NOS1AP: variants seen among roughly 807,000 people sequenced by gnomAD.
NOS1AP encodes carboxyl-terminal PDZ ligand of neuronal nitric oxide synthase protein.
A neutral mutation model predicts 56.2 loss-of-function variants in NOS1AP; 21 were observed. The ratio of observed to expected loss-of-function variants is 0.37; its 90% CI spans 0.26 to 0.54. The LOEUF (loss-of-function observed/expected upper bound fraction) is 0.54. Among genes scored for constraint, NOS1AP ranks in the 20% least tolerant of loss-of-function variants. The probability of loss-of-function intolerance (pLI) is 0.84; values close to 1 mark genes in which losing one functional copy is unlikely to be tolerated. For missense variants in NOS1AP, 522 were observed against 657.8 expected, an observed-to-expected ratio of 0.79 and a Z score of 2.26; for synonymous variants, 270 against 274.6, an observed-to-expected ratio of 0.98 and a Z score of 0.17.
intron 2 of NOS1AP, among the ~76,000 whole-genome samples, chr1:162,218,912 C>G (rs1238585009): frequency 6.6e-6 from 1 of 152,070 alleles, no homozygotes; most frequent in Non-Finnish European, 1.5e-5. Flanking sequence ...TTGATATCAC[C>G]AGAAGATTTG....
At chr1:162,234,889 A>T (rs374374653) in intron 2 of NOS1AP, among the ~76,000 whole-genome samples, 2 of 152,154 alleles carry the variant, frequency 1.3e-5, no homozygotes, top group African/African-American at 4.8e-5. Context: ...GGAGTTCTGC[A>T]AACTATACCC....
At chr1:162,072,023 G>T (rs1032782497) in intron 1 of NOS1AP, among the ~76,000 whole-genome samples, 2 of 151,958 alleles carry the variant, frequency 1.3e-5, no homozygotes, top group Admixed American at 1.3e-4. Context: ...TTGCACCACT[G>T]CACTCCACCC....
At chr1:162,081,165 C>T (rs1691877837) in intron 1 of NOS1AP, among the ~76,000 whole-genome samples, 1 of 152,206 alleles carries the variant, frequency 6.6e-6, no homozygotes, top group Non-Finnish European at 1.5e-5. Flanking sequence ...ACAGTGGCCC[C>T]TATCCCATGG....
chr1:162,201,343 G>A (rs1022223683), intron 2 of NOS1AP, among the ~76,000 whole-genome samples: 5 of 152,088 alleles, frequency 3.3e-5, no homozygotes, highest in African/African-American at 1.2e-4. Flanking sequence ...ATATCCTTTA[G>A]TCTATCACTG....
At chr1:162,349,193 A>G (rs1657406004) in intron 6 of NOS1AP, among the ~76,000 whole-genome samples, 1 of 151,834 alleles carries the variant, frequency 6.6e-6, no homozygotes, top group African/African-American at 2.4e-5. Context: ...AACTCCAAAA[A>G]AGGGGAAAAA....
rs79917337 is a variant in NOS1AP at position 162,190,564 on chromosome 1, T to C, written c.177+36088T>C. Among the ~76,000 whole-genome samples, 45 of 152,232 alleles carry C rather than the reference T, an allele frequency of 3.0e-4. No individual in the cohort carries two copies. The East Asian group carries it at 7.1e-3, about 24-fold the overall frequency. On this transcript the variant is annotated intron_variant, in intron 2 of 9. Transcript: ENST00000361897. ...AGAATATATAATGATCAGATCAGGA[T>C]AATTAGCATATTCATAATCTCAAAC...
At chr1:162,293,195 A>G (rs566616343) in intron 3 of NOS1AP, among the ~76,000 whole-genome samples, 1 of 152,226 alleles carries the variant, frequency 6.6e-6, no homozygotes, top group East Asian at 1.9e-4. Flanking sequence ...AAGCATGGAG[A>G]ACTTGTCAAA....
At chr1:162,089,419 A>T (rs1173971024) in intron 1 of NOS1AP, among the ~76,000 whole-genome samples, 1 of 152,226 alleles carries the variant, frequency 6.6e-6, no homozygotes, top group East Asian at 1.9e-4. Context: ...TACTGAAAAC[A>T]GTCCAAAACC....
intron 2 of NOS1AP, among the ~76,000 whole-genome samples, chr1:162,216,601 T>C (rs1334985317): frequency 6.6e-6 from 1 of 152,266 alleles, no homozygotes; most frequent in Admixed American, 6.5e-5. Flanking sequence ...CAAATGGGAA[T>C]ATTACAATTT....
At chr1:162,141,237 G>C (rs2102074897) in intron 1 of NOS1AP, among the ~76,000 whole-genome samples, 1 of 152,362 alleles carries the variant, frequency 6.6e-6, no homozygotes, top group South Asian at 2.1e-4. Context: ...AAATGATGAA[G>C]CTGAGGTGCT....
chr1:162,178,641 G>A (rs568689742), intron 2 of NOS1AP, among the ~76,000 whole-genome samples: 14 of 152,272 alleles, frequency 9.2e-5, no homozygotes, highest in East Asian at 7.7e-4. Context: ...GCGTCATGCC[G>A]TCTCTGGAGA....
chr1:162,259,594 T>C (rs1033101247), intron 2 of NOS1AP, among the ~76,000 whole-genome samples: 1 of 152,226 alleles, frequency 6.6e-6, no homozygotes, highest in African/African-American at 2.4e-5. Flanking sequence ...GCATATGAGA[T>C]TATTTTTCTT....
chr1:162,364,661 G>A (rs1036227862), intron 8 of NOS1AP: 2 of 985,444 alleles, frequency 2.0e-6, no homozygotes, highest in Non-Finnish European at 2.4e-6. Context: ...GGTTGGAGGA[G>A]GCCCTCTCAT....
At chr1:162,330,648 G>A (rs569498149) in intron 4 of NOS1AP, among the ~76,000 whole-genome samples, 7 of 152,320 alleles carry the variant, frequency 4.6e-5, no homozygotes, top group African/African-American at 1.7e-4. Flanking sequence ...GAAGCCTTTG[G>A]ATGGCTTTAA....
intron 1 of NOS1AP, among the ~76,000 whole-genome samples, chr1:162,109,135 C>T (rs1647620051): frequency 6.6e-6 from 1 of 152,136 alleles, no homozygotes; most frequent in Non-Finnish European, 1.5e-5. Context: ...AGGAGACCAC[C>T]CCTATGATTC....
intron 2 of NOS1AP, among the ~76,000 whole-genome samples, chr1:162,159,019 C>T (rs542296010): frequency 6.6e-6 from 1 of 152,282 alleles, no homozygotes; most frequent in African/African-American, 2.4e-5. Flanking sequence ...CTGACACTGG[C>T]GCCGCTTGCT....
At chr1:162,164,992 G>A (rs756512549) in intron 2 of NOS1AP, among the ~76,000 whole-genome samples, 38 of 152,116 alleles carry the variant, frequency 2.5e-4, no homozygotes, top group African/African-American at 8.0e-4. Context: ...AAAAGCAGGC[G>A]TTATCCTTAT....
chr1:162,170,950 A>T (rs1304941570), intron 2 of NOS1AP, among the ~76,000 whole-genome samples: 1 of 151,792 alleles, frequency 6.6e-6, no homozygotes, highest in African/African-American at 2.4e-5. Flanking sequence ...CAAAAAAAAA[A>T]AAAGAAAAGA....
intron 1 of NOS1AP, among the ~76,000 whole-genome samples, chr1:162,081,088 A>T (rs189514461): frequency 1.3e-5 from 2 of 152,304 alleles, no homozygotes; most frequent in South Asian, 2.1e-4. Context: ...GCTAATGTTT[A>T]TCAAGTGCTC....
Sources: gnomAD v4.1 joint callset for allele counts (sites outside exome capture counted in the v4.1 genomes callset) on GRCh38, gnomAD v4.1.1 for gene constraint, MANE v1.5 for transcripts, NCBI Gene and HGNC (gene_info 2026-07-23, HGNC 2026-07-21) for gene names.